The following STAMBPL1 variants were observed in gnomAD, a reference collection of about 807,000 sequenced individuals.
STAMBPL1 encodes STAM binding protein like 1.
Under a neutral mutation model 52.9 loss-of-function variants are expected in STAMBPL1, and 44 were observed. That is an observed-to-expected ratio of 0.83 (90% CI 0.65 to 1.07). The LOEUF is 1.07. Among genes scored for constraint, STAMBPL1 ranks in the 50% least tolerant of loss-of-function variants. STAMBPL1 has a pLI of 0.00. For synonymous variants in STAMBPL1, 164 were observed against 177.3 expected, an observed-to-expected ratio of 0.92 and a Z score of 0.60; for missense variants, 511 against 520.8, an observed-to-expected ratio of 0.98 and a Z score of 0.18.
chr10:88,887,586 T>A (rs1305563585), intron 1 of STAMBPL1, among the ~76,000 whole-genome samples: 1 of 152,224 alleles, frequency 6.6e-6, no homozygotes, highest in East Asian at 1.9e-4. Context: ...TGGAATGCAA[T>A]GGCGTGATCA....
chr10:88,916,732 G>A lies in STAMBPL1; in HGVS notation c.956G>A (p.Gly319Glu). 6.2e-7 allele frequency: 1 copy of A among 1,610,126 alleles called. No homozygotes were observed. Among genetic ancestry groups the A allele is most frequent in the Non-Finnish European group, 8.5e-7 (1 of 1,178,220 alleles). ...GTAATTGTGCCAAAGCAGTCTGCGG[G>A]ACCAGACTATTGTGACATGGAGAAT... The part of the protein sequence containing the change: ...THVIVPKQSA[G>E]PDYCDMENVE... The change falls in exon 8 of 11, where the codon GGA becomes GAA. Residue 319 changes from glycine (G) to glutamate (E), a missense_variant. Around this residue, in one of 3 missense-constraint regions of STAMBPL1, gnomAD observed 16 missense variants for 37.4 expected, o/e 0.43. Transcript: ENST00000371926.
At chr10:88,896,343 A>G (rs531401025) in intron 1 of STAMBPL1, among the ~76,000 whole-genome samples, 1 of 152,194 alleles carries the variant, frequency 6.6e-6, no homozygotes, top group South Asian at 2.1e-4. Flanking sequence ...GTAGGGCCCA[A>G]TCTGTAAGAC....
At position 88,913,242 on chromosome 10, in the gene STAMBPL1, G is replaced by T. The variant is rs1330200256; in HGVS notation, c.562G>T (p.Glu188Ter). The change falls in exon 6 of 11, where the codon GAG (glutamate) becomes TAG (stop). Residue 188 changes from glutamate to a stop codon, truncating the protein, a stop_gained. Transcript: ENST00000371926. LOFTEE classifies it high-confidence loss of function. ...TTTCGAAGATCAACTCAAGAAGCAA[G>T]AGTTAGCCCGAGGTCAAATGCGAAG... is the stretch of plus-strand genomic sequence containing the variant. The part of the protein sequence containing the change: ...LFFEDQLKKQ[E>*]LARGQMRSQQ... The T allele has an allele frequency of 3.7e-6, 6 of 1,613,900 alleles. No individual in the cohort carries two copies. The highest frequency in any genetic ancestry group is 5.1e-6 in the Non-Finnish European group (6 of 1,179,848).
chr10:88,895,979 A>G (rs1844801412), intron 1 of STAMBPL1, among the ~76,000 whole-genome samples: 1 of 152,234 alleles, frequency 6.6e-6, no homozygotes, highest in Admixed American at 6.5e-5. Flanking sequence ...ATTCTTGCTC[A>G]TTGATCTAAT....
intron 4 of STAMBPL1, among the ~76,000 whole-genome samples, chr10:88,910,537 C>A (rs1008456792): frequency 6.6e-6 from 1 of 152,152 alleles, no homozygotes; most frequent in Admixed American, 6.6e-5. Context: ...TCTCTCACAT[C>A]CCTTCTAATT....
intron 1 of STAMBPL1, among the ~76,000 whole-genome samples, chr10:88,893,418 C>T (rs750947400): frequency 6.6e-6 from 1 of 152,096 alleles, no homozygotes; most frequent in Non-Finnish European, 1.5e-5. Flanking sequence ...TGTAGTCAGT[C>T]CACAAACACT....
intron 8 of STAMBPL1, among the ~76,000 whole-genome samples, chr10:88,918,875 A>G (rs185297657): frequency 6.4e-4 from 97 of 152,332 alleles, no homozygotes; most frequent in Non-Finnish European, 2.1e-4. Context: ...TACCGTGGAC[A>G]TAATGCATGC....
intron 3 of STAMBPL1, among the ~76,000 whole-genome samples, chr10:88,907,310 A>G (rs1438546112): frequency 2.0e-5 from 3 of 152,236 alleles, no homozygotes; most frequent in Non-Finnish European, 2.9e-5. Flanking sequence ...ATTTTATTCA[A>G]GTTACTGAAC....
At chr10:88,921,460 T>A in intron 9 of STAMBPL1, 65 bp downstream of exon 9, 1 of 1,294,496 alleles carries the variant, frequency 7.7e-7, no homozygotes, top group African/African-American at 1.5e-5. Context: ...TTCCTGTGTG[T>A]CCAGACACCA....
chr10:88,881,861 A>G (rs998293840), intron 1 of STAMBPL1, among the ~76,000 whole-genome samples: 6 of 152,236 alleles, frequency 3.9e-5, no homozygotes, highest in Non-Finnish European at 5.9e-5. Flanking sequence ...TAGCTACACT[A>G]TACATATCTT....
chr10:88,891,972 T>C (rs1844695314), intron 1 of STAMBPL1, among the ~76,000 whole-genome samples: 2 of 151,814 alleles, frequency 1.3e-5, no homozygotes, highest in South Asian at 4.2e-4. Flanking sequence ...TGGAAATGGA[T>C]GGAGGACATT....
Position 88,906,923 on chromosome 10 carries a change from C to T in STAMBPL1, c.248+1263C>T, listed in dbSNP as rs569876536. Among the ~76,000 whole-genome samples, 38 of 152,280 alleles carry T rather than the reference C, an allele frequency of 2.5e-4. No homozygotes were observed. The East Asian group carries it at 7.3e-3, about 29-fold the overall frequency. Reference sequence around the variant, plus strand: ...ACCCAAGCTGCATAATTATGCAATACATTGTTATTAAGTATAATCATCATA... The same window carrying T: ...ACCCAAGCTGCATAATTATGCAATATATTGTTATTAAGTATAATCATCATA... On this transcript the variant is annotated intron_variant, in intron 3 of 10. Coordinates refer to ENST00000371926, the MANE Select transcript of STAMBPL1 (RefSeq NM_020799.4).
intron 3 of STAMBPL1, among the ~76,000 whole-genome samples, chr10:88,908,012 T>C (rs1281162670): frequency 2.0e-5 from 3 of 152,228 alleles, no homozygotes; most frequent in Admixed American, 2.0e-4. Flanking sequence ...TATTATGAGC[T>C]GGATGCTATT....
intron 1 of STAMBPL1, among the ~76,000 whole-genome samples, chr10:88,891,136 C>G (rs1334458728): frequency 6.6e-6 from 1 of 152,090 alleles, no homozygotes; most frequent in East Asian, 1.9e-4. Context: ...TCACTCCTTA[C>G]AAAAAATAAA....
chr10:88,917,274 T>C (rs555893227), intron 8 of STAMBPL1, among the ~76,000 whole-genome samples: 110 of 152,300 alleles, frequency 7.2e-4, no homozygotes, highest in African/African-American at 2.6e-3. Flanking sequence ...AAAGTGTTTC[T>C]TTTAAACATG....
chr10:88,919,674 C>T (rs1666014247), intron 8 of STAMBPL1, among the ~76,000 whole-genome samples: 1 of 152,146 alleles, frequency 6.6e-6, no homozygotes, highest in African/African-American at 2.4e-5. Flanking sequence ...CTCATACCCC[C>T]TACTGAAGAT....
intron 1 of STAMBPL1, among the ~76,000 whole-genome samples, chr10:88,900,575 CTT>C (rs1157972165): frequency 6.6e-6 from 1 of 152,138 alleles, no homozygotes; most frequent in African/African-American, 2.4e-5. Flanking sequence ...ACTCTAAAGA[CTT>C]TATGTGCTAA....
chr10:88,922,551 T>C (rs2133223627), intron 10 of STAMBPL1, 115 bp downstream of exon 10: 1 of 881,412 alleles, frequency 1.1e-6, no homozygotes, highest in Non-Finnish European at 1.7e-6. Context: ...ACTGCTTAGT[T>C]TGGAGTTTTA....
At position 88,903,478 on chromosome 10, in the gene STAMBPL1, C is replaced by T. The variant is rs562615755; in HGVS notation, c.30+1740C>T. ...CAAGGAGTTCATAAGGGATCAGATA[C>T]ACTTGTACAGAAATAATTATAACTC... On this transcript the variant is annotated intron_variant, in intron 2 of 10. Coordinates refer to ENST00000371926, the MANE Select transcript of STAMBPL1 (RefSeq NM_020799.4). Among the ~76,000 whole-genome samples the T allele has an allele frequency of 1.3e-4, 20 of 152,310 alleles. No individual in the cohort carries two copies. In the South Asian group the frequency reaches 1.9e-3, roughly 14 times the overall value.
Sources: gnomAD v4.1 joint callset for allele counts (sites outside exome capture counted in the v4.1 genomes callset) on GRCh38, gnomAD v4.1.1 for gene constraint, gnomAD v4.1.1 regional missense constraint, MANE v1.5 for transcripts, NCBI Gene and HGNC (gene_info 2026-07-23, HGNC 2026-07-21) for gene names.